Variants in PPFIBP2 observed in about 807,000 individuals in gnomAD.
PPFIBP2 encodes the protein PPFIB scaffold protein 2, also known as liprin-beta-2.
PPFIBP2 carries 118 observed loss-of-function variants against 118.3 expected under a neutral mutation model. The observed-to-expected ratio is 1.00, with a 90% CI of 0.86 to 1.16. The LOEUF (loss-of-function observed/expected upper bound fraction) is 1.16, where lower values mean the gene tolerates loss of function less well. PPFIBP2 is among the 50% of genes most tolerant of loss of function. The pLI is 0.00. For missense variants in PPFIBP2, 1,195 were observed against 1,073.1 expected, an observed-to-expected ratio of 1.11 and a Z score of -1.59; for synonymous variants, 414 against 397.4, an observed-to-expected ratio of 1.04 and a Z score of -0.50.
downstream of PPFIBP2, among the ~76,000 whole-genome samples, chr11:7,658,632 C>T: frequency 3.1e-5 from 1 of 32,628 alleles, no homozygotes; most frequent in South Asian, 1.3e-3. Context: ...TTTATAGCAG[C>T]ATGATTTATA....
intron 2 of PPFIBP2, among the ~76,000 whole-genome samples, chr11:7,561,468 T>C (rs1854288492): frequency 6.6e-6 from 1 of 152,246 alleles, no homozygotes; most frequent in Admixed American, 6.5e-5. Flanking sequence ...TATGTCTTGC[T>C]CAATTGCTCT....
At chr11:7,521,987 T>C (rs1015235653) in intron 1 of PPFIBP2, among the ~76,000 whole-genome samples, 2 of 152,122 alleles carry the variant, frequency 1.3e-5, no homozygotes, top group African/African-American at 4.8e-5. Flanking sequence ...GTTGGAGCTA[T>C]ATAATTTAAA....
chr11:7,637,841 C>G (rs1405827264), intron 14 of PPFIBP2, among the ~76,000 whole-genome samples: 2 of 152,216 alleles, frequency 1.3e-5, no homozygotes, highest in East Asian at 1.9e-4. Flanking sequence ...CAGGTCGGGG[C>G]TGCCTTTTAA....
chr11:7,653,301 G>A lies in PPFIBP2; in HGVS notation c.*83G>A, dbSNP rs750357614. 121 of 1,579,236 alleles carry A rather than the reference G, an allele frequency of 7.7e-5. No homozygotes were observed. The highest frequency in any genetic ancestry group is 9.0e-5 in the Non-Finnish European group (105 of 1,164,792). On this transcript the variant is annotated 3_prime_UTR_variant, in exon 24 of 24. Coordinates refer to ENST00000299492, the MANE Select transcript of PPFIBP2 (RefSeq NM_003621.5). ...CACCATATAACTGCACCTCACCCCC[G>A]CACGTGTGCATGACTCGCAGAGAAT...
At chr11:7,558,253 G>C (rs758885784) in intron 2 of PPFIBP2, among the ~76,000 whole-genome samples, 4 of 152,350 alleles carry the variant, frequency 2.6e-5, no homozygotes, top group African/African-American at 9.6e-5. Flanking sequence ...AGGTGGAAGA[G>C]ATATGAGGAA....
At position 7,628,960 on chromosome 11, in the gene PPFIBP2, T is replaced by C. The variant is rs149578611; in HGVS notation, c.889-499T>C. On this transcript the variant is annotated intron_variant, in intron 9 of 23. Coordinates refer to ENST00000299492, the MANE Select transcript of PPFIBP2 (RefSeq NM_003621.5). ...GCCAGCTTTCACACCCAAGTTTGTC[T>C]ATGACCTGTGTGGTCTCCCAAGTTC... Among the ~76,000 whole-genome samples, 1,466 of 152,308 alleles carry C rather than the reference T, an allele frequency of 9.6e-3. 33 individuals are homozygous for C. The highest frequency in any genetic ancestry group is 0.033 in the African/African-American group (1,385 of 41,558).
At chr11:7,629,097 G>A (rs566974275) in intron 9 of PPFIBP2, among the ~76,000 whole-genome samples, 2 of 152,322 alleles carry the variant, frequency 1.3e-5, no homozygotes, top group South Asian at 4.1e-4. Context: ...AAATATGACA[G>A]CTTTATTTTA....
rs1255214975 is a variant in PPFIBP2, at chr11:7,649,605, A to G, written c.2072A>G (p.His691Arg). Residue 691 changes from histidine (H) to arginine (R), a missense_variant, in exon 21 of 24, where the codon CAT (histidine) becomes CGT (arginine). By Grantham distance (29) the His-to-Arg change is conservative. Coordinates refer to ENST00000299492, the MANE Select transcript of PPFIBP2 (RefSeq NM_003621.5). ...LSIKCAIHVLHVNKFNPHCLH... is the reference protein window; with the variant it reads ...LSIKCAIHVLRVNKFNPHCLH... ...ATCAAATGTGCCATTCACGTGCTGCATGTCAACAAGTTCAACCCCCACTGC... is the reference window on the plus strand; with the variant it reads ...ATCAAATGTGCCATTCACGTGCTGCGTGTCAACAAGTTCAACCCCCACTGC... 3.7e-6 allele frequency: 6 copies of G among 1,614,134 alleles called. No individual in the cohort carries two copies. In the African/African-American group the frequency reaches 8.0e-5, roughly 22 times the overall value.
chr11:7,552,160 GA>G (rs2134562012), intron 2 of PPFIBP2, among the ~76,000 whole-genome samples: 1 of 152,342 alleles, frequency 6.6e-6, no homozygotes, highest in South Asian at 2.1e-4. Flanking sequence ...CTACTTGTTT[GA>G]AAACCTAGCT....
chr11:7,650,218 G>T (rs1484178557), intron 21 of PPFIBP2, among the ~76,000 whole-genome samples: 1 of 152,158 alleles, frequency 6.6e-6, no homozygotes. Context: ...CCAAACTGAA[G>T]ATTGTCAGTC....
At chr11:7,645,850 A>G (rs1354149720) in intron 17 of PPFIBP2, among the ~76,000 whole-genome samples, 2 of 152,250 alleles carry the variant, frequency 1.3e-5, no homozygotes, top group Non-Finnish European at 2.9e-5. Flanking sequence ...AAAGTTAAAA[A>G]ATTTAAAAAA....
chr11:7,649,922 AT>A (rs749176901), intron 21 of PPFIBP2, among the ~76,000 whole-genome samples: 7 of 152,170 alleles, frequency 4.6e-5, no homozygotes, highest in Non-Finnish European at 7.3e-5. Context: ...AGATGAGGAG[AT>A]GGTGCAAAGG....
At chr11:7,665,090 C>G in the PPFIBP2 span, 8 of 254,518 alleles carry the variant, frequency 3.1e-5, no homozygotes, top group East Asian at 7.0e-4. Flanking sequence ...CAGAGCCACA[C>G]TTCATGGGCT....
At chr11:7,569,849 T>G (rs1473155898) in intron 3 of PPFIBP2, among the ~76,000 whole-genome samples, 1 of 152,200 alleles carries the variant, frequency 6.6e-6, no homozygotes, top group Non-Finnish European at 1.5e-5. Context: ...AGGGGCAGCC[T>G]CCTCCTTCTC....
intron 15 of PPFIBP2, chr11:7,641,037 T>TG: frequency 7.8e-7 from 1 of 1,282,566 alleles, no homozygotes; most frequent in South Asian, 1.2e-5. Flanking sequence ...CTGGAGATCG[T>TG]GGCCGGAGTG....
chr11:7,577,595 A>T, intron 3 of PPFIBP2: 1 of 456,560 alleles, frequency 2.2e-6, no homozygotes, highest in Non-Finnish European at 4.4e-6. Context: ...CCCAGCATGG[A>T]TGGGGACATT....
chr11:7,660,686 C>T (rs1437984508), downstream of PPFIBP2, among the ~76,000 whole-genome samples: 1 of 151,186 alleles, frequency 6.6e-6, no homozygotes, highest in African/African-American at 2.4e-5. Context: ...AGGATTCCCT[C>T]TTTTTCTATT....
intron 1 of PPFIBP2, among the ~76,000 whole-genome samples, chr11:7,516,741 G>T (rs1274313402): frequency 6.6e-6 from 1 of 152,162 alleles, no homozygotes; most frequent in Non-Finnish European, 1.5e-5. Context: ...CAAGGGGTAC[G>T]TGTCTTCCAG....
At chr11:7,545,002 A>G (rs1474143691) in intron 1 of PPFIBP2, among the ~76,000 whole-genome samples, 3 of 152,056 alleles carry the variant, frequency 2.0e-5, no homozygotes, top group Non-Finnish European at 4.4e-5. Context: ...AAGACACTGA[A>G]CGCACTGCAT....
Sources: allele counts gnomAD v4.1 joint callset (sites outside exome capture counted in the v4.1 genomes callset), GRCh38; gene constraint gnomAD v4.1.1; transcripts MANE v1.5; gene names NCBI Gene and HGNC (gene_info 2026-07-23, HGNC 2026-07-21).